The following FHOD3 variants were observed in gnomAD, a reference collection of about 807,000 sequenced individuals.
FHOD3 encodes the protein formin homology 2 domain containing 3.
Under a neutral mutation model 173.0 loss-of-function variants are expected in FHOD3, and 90 were observed. The ratio of observed to expected loss-of-function variants is 0.52; its 90% CI spans 0.44 to 0.62. The LOEUF is 0.62. FHOD3 is among the 20% of genes least tolerant of loss of function. The pLI is 0.00. For synonymous variants in FHOD3, 828 were observed against 823.0 expected (o/e 1.01, Z -0.10); for missense variants, 1,945 against 2,034.7 (o/e 0.96, Z 0.85).
intron 28 of FHOD3, among the ~76,000 whole-genome samples, chr18:36,773,196 A>G (rs1019904961): frequency 1.9e-4 from 29 of 152,318 alleles, no homozygotes; most frequent in African/African-American, 7.0e-4. Context: ...TTTCACTTTT[A>G]GACAAATCAC....
At chr18:36,777,200 T>A (rs1451150071) in intron 28 of FHOD3, among the ~76,000 whole-genome samples, 2 of 94,610 alleles carry the variant, frequency 2.1e-5, no homozygotes, top group East Asian at 4.0e-4. Flanking sequence ...TTCTTTTTCT[T>A]TTTTTTTTTT....
chr18:36,366,011 GTC>G (rs1050773787), intron 2 of FHOD3, among the ~76,000 whole-genome samples: 2 of 152,026 alleles, frequency 1.3e-5, no homozygotes, highest in African/African-American at 4.8e-5. Flanking sequence ...TTCCACCTGG[GTC>G]CCCTGTGTGT....
At chr18:36,647,383 G>C (rs1208998307) in intron 10 of FHOD3, among the ~76,000 whole-genome samples, 1 of 152,104 alleles carries the variant, frequency 6.6e-6, no homozygotes. Flanking sequence ...ATCAGAGAAA[G>C]CAAACTAAAA....
At chr18:36,770,717 T>C (rs1372656094) in intron 28 of FHOD3, among the ~76,000 whole-genome samples, 1 of 152,168 alleles carries the variant, frequency 6.6e-6, no homozygotes, top group Non-Finnish European at 1.5e-5. Context: ...ACAAGGCTCT[T>C]GAGCTGTGGT....
At chr18:36,358,079 A>G (rs1173922139) in intron 2 of FHOD3, among the ~76,000 whole-genome samples, 2 of 152,208 alleles carry the variant, frequency 1.3e-5, no homozygotes, top group Non-Finnish European at 2.9e-5. Context: ...TTATTGTCTC[A>G]ATTTTTCATC....
chr18:36,411,946 T>C (rs536728374), intron 3 of FHOD3, among the ~76,000 whole-genome samples: 5 of 152,370 alleles, frequency 3.3e-5, no homozygotes, highest in African/African-American at 9.6e-5. Flanking sequence ...TTCTCTCACC[T>C]ACAACCAGAT....
intron 10 of FHOD3, among the ~76,000 whole-genome samples, chr18:36,643,354 T>C (rs1752023196): frequency 1.3e-5 from 2 of 152,140 alleles, no homozygotes; most frequent in South Asian, 4.2e-4. Flanking sequence ...GTCAGCCCAC[T>C]AGATGCCAAT....
intron 3 of FHOD3, among the ~76,000 whole-genome samples, chr18:36,425,055 G>A (rs573274949): frequency 6.6e-6 from 1 of 152,272 alleles, no homozygotes; most frequent in East Asian, 1.9e-4. Context: ...TAGGGAAAAG[G>A]TGAAAATTCT....
intron 5 of FHOD3, among the ~76,000 whole-genome samples, chr18:36,523,083 C>T (rs937466810): frequency 9.1e-4 from 139 of 152,306 alleles, no homozygotes; most frequent in Non-Finnish European, 4.7e-4. Flanking sequence ...CCTAGCCCCC[C>T]AACCACACTG....
At chr18:36,566,476 G>T (rs769081456) in intron 5 of FHOD3, among the ~76,000 whole-genome samples, 49 of 152,172 alleles carry the variant, frequency 3.2e-4, no homozygotes, top group Non-Finnish European at 5.9e-4. Context: ...AGACAAAGGA[G>T]CCCAGATGGT....
At chr18:36,326,922 C>T (rs529418976) in intron 1 of FHOD3, among the ~76,000 whole-genome samples, 1 of 152,176 alleles carries the variant, frequency 6.6e-6, no homozygotes, top group South Asian at 2.1e-4. Context: ...TTGCACTCTG[C>T]GTTTTCTCAG....
At chr18:36,465,434 C>T (rs1385183125) in intron 3 of FHOD3, among the ~76,000 whole-genome samples, 1 of 152,126 alleles carries the variant, frequency 6.6e-6, no homozygotes, top group Admixed American at 6.6e-5. Context: ...CCTGGACTGG[C>T]GAGGGCTGAG....
At chr18:36,583,389 G>A (rs2058921840) in intron 6 of FHOD3, among the ~76,000 whole-genome samples, 1 of 152,292 alleles carries the variant, frequency 6.6e-6, no homozygotes, top group East Asian at 1.9e-4. Context: ...CTAAGCAACA[G>A]GAGATGCCCA....
intron 1 of FHOD3, among the ~76,000 whole-genome samples, chr18:36,311,862 C>T (rs1259040168): frequency 6.6e-6 from 1 of 152,218 alleles, no homozygotes; most frequent in Non-Finnish European, 1.5e-5. Flanking sequence ...TCTGGCAATG[C>T]CAGCCCTTTT....
At chr18:36,679,493 T>C (rs1369873392) in intron 14 of FHOD3, among the ~76,000 whole-genome samples, 3 of 152,160 alleles carry the variant, frequency 2.0e-5, no homozygotes, top group Non-Finnish European at 4.4e-5. Context: ...TCATTAATTT[T>C]TACTCTTTCT....
At chr18:36,311,597 G>A (rs755588444) in intron 1 of FHOD3, among the ~76,000 whole-genome samples, 6 of 152,182 alleles carry the variant, frequency 3.9e-5, no homozygotes, top group Non-Finnish European at 8.8e-5. Flanking sequence ...GTGCAATGGT[G>A]AGCCATGTTC....
chr18:36,521,100 T>C (rs972479870), intron 5 of FHOD3, among the ~76,000 whole-genome samples: 2 of 152,248 alleles, frequency 1.3e-5, no homozygotes, highest in Non-Finnish European at 2.9e-5. Context: ...TTAAAACTTT[T>C]TTTGTGGGTG....
chr18:36,411,533 TA>T (rs1452658985), intron 3 of FHOD3, among the ~76,000 whole-genome samples: 3 of 152,246 alleles, frequency 2.0e-5, no homozygotes, highest in African/African-American at 7.2e-5. Context: ...TTTTTGTTCC[TA>T]TTTTTTAGTG....
chr18:36,619,596 A>G (rs565146621), intron 9 of FHOD3, among the ~76,000 whole-genome samples: 2 of 152,232 alleles, frequency 1.3e-5, no homozygotes, highest in African/African-American at 2.4e-5. Context: ...CTATCTTCCT[A>G]TTCATTTGCT....
Sources: gnomAD v4.1 joint callset for allele counts (sites outside exome capture counted in the v4.1 genomes callset) on GRCh38, gnomAD v4.1.1 for gene constraint, MANE v1.5 for transcripts, NCBI Gene and HGNC (gene_info 2026-07-23, HGNC 2026-07-21) for gene names.